Variants in COLEC11 observed in about 807,000 individuals in gnomAD.
The protein encoded by COLEC11 is collectin subfamily member 11.
Under a neutral mutation model 27.3 loss-of-function variants are expected in COLEC11, and 20 were observed. The observed-to-expected ratio is 0.73, with a 90% CI of 0.51 to 1.06. The LOEUF is 1.06. COLEC11 is among the 50% of genes least tolerant of loss of function. The pLI, the probability that COLEC11 is intolerant of heterozygous loss-of-function variation, is 0.00. For synonymous variants in COLEC11, 163 were observed against 154.7 expected (o/e 1.05, Z -0.40); for missense variants, 310 against 383.0 (o/e 0.81, Z 1.59).
chr2:3,613,691 G>A (rs778780389), intron 3 of COLEC11, among the ~76,000 whole-genome samples: 5 of 152,186 alleles, frequency 3.3e-5, no homozygotes, highest in Non-Finnish European at 5.9e-5. Context: ...ATTTGTGAGC[G>A]CTAAGTGAAT....
intron 3 of COLEC11, chr2:3,626,147 G>A: frequency 7.0e-7 from 1 of 1,418,850 alleles, no homozygotes; most frequent in South Asian, 1.1e-5. Flanking sequence ...GAGATGCAGA[G>A]AATAGGCAAC....
intron 3 of COLEC11, chr2:3,617,749 C>A: frequency 7.8e-7 from 1 of 1,283,184 alleles, no homozygotes; most frequent in Non-Finnish European, 1.1e-6. Flanking sequence ...CAGTGGCCAC[C>A]ACTGAGTTGT....
At chr2:3,643,571 T>C in intron 6 of COLEC11, 32 bp downstream of exon 6, 1 of 1,602,948 alleles carries the variant, frequency 6.2e-7, no homozygotes, top group Non-Finnish European at 8.5e-7. Context: ...CCTCGCTCCC[T>C]CCCACCTCCC....
At chr2:3,601,728 C>T (rs556275148) in intron 1 of COLEC11, among the ~76,000 whole-genome samples, 4 of 152,214 alleles carry the variant, frequency 2.6e-5, no homozygotes, top group Non-Finnish European at 4.4e-5. Flanking sequence ...AGCTCTCCCA[C>T]GCGCGTGCCC....
intron 1 of COLEC11, among the ~76,000 whole-genome samples, chr2:3,603,046 A>G (rs1662351622): frequency 6.6e-6 from 1 of 152,220 alleles, no homozygotes; most frequent in Admixed American, 6.5e-5. Context: ...TTTCTGAACG[A>G]ATGATTAACC....
In COLEC11 at chr2:3,595,122, C is replaced by A. The variant is rs1558479964; in HGVS notation, c.-73C>A. 1 of 369,180 alleles carries A rather than the reference C, an allele frequency of 2.7e-6. No individual in the cohort carries two copies. Among genetic ancestry groups the A allele is most frequent in the Non-Finnish European group, 5.5e-6 (1 of 181,444 alleles). 22.9% of individuals were successfully genotyped at this position (369,180 alleles called of 1,614,324 possible). On this transcript the variant is annotated 5_prime_UTR_variant, in exon 1 of 7. Transcript: ENST00000349077. ...GAGGCGCCTGGGGGCAGTGTCCTCGCGGGCCAGCGACGGGCAGGACGCCCC... is the reference window on the plus strand; with the variant it reads ...GAGGCGCCTGGGGGCAGTGTCCTCGAGGGCCAGCGACGGGCAGGACGCCCC...
At chr2:3,621,482 TTTTA>T (rs1255528584) in intron 3 of COLEC11, among the ~76,000 whole-genome samples, 1 of 152,200 alleles carries the variant, frequency 6.6e-6, no homozygotes, top group African/African-American at 2.4e-5. Context: ...ATTTATTTAT[TTTTA>T]TTAAGCTACT....
chr2:3,607,675 C>T (rs1409684409), intron 2 of COLEC11, among the ~76,000 whole-genome samples: 1 of 152,138 alleles, frequency 6.6e-6, no homozygotes, highest in African/African-American at 2.4e-5. Flanking sequence ...TCTCGAACTC[C>T]TGACCTCACG....
At chr2:3,600,002 G>A (rs1435832286) in intron 1 of COLEC11, among the ~76,000 whole-genome samples, 3 of 152,314 alleles carry the variant, frequency 2.0e-5, no homozygotes, top group Admixed American at 6.5e-5. Context: ...TTGGGAGGCC[G>A]AGGTGGGTGG....
At chr2:3,613,239 T>C in intron 2 of COLEC11, 72 bp from the exon 3 acceptor site, 1 of 1,502,982 alleles carries the variant, frequency 6.7e-7, no homozygotes, top group Non-Finnish European at 9.1e-7. Flanking sequence ...CTAACTGTTC[T>C]TCCTCCACAA....
chr2:3,615,684 GA>G (rs1267994229), intron 3 of COLEC11, among the ~76,000 whole-genome samples: 2 of 152,236 alleles, frequency 1.3e-5, no homozygotes, highest in African/African-American at 4.8e-5. Flanking sequence ...CGGCCGGGCA[GA>G]GGGGCTCCTC....
Position 3,597,686 on chromosome 2 carries a change from A to AC in COLEC11, c.-27+2518_-27+2519insC, listed in dbSNP as rs202209195. ...ATTCCTGAGACATTAAAAAAAAAAA[A>AC]AACTAAACCCAGTTTGCATCCAGCA... On this transcript the variant is annotated intron_variant, in intron 1 of 6. Coordinates refer to ENST00000349077, the MANE Select transcript of COLEC11 (RefSeq NM_024027.5). 3.8e-3 allele frequency among the ~76,000 whole-genome samples: 583 copies of AC among 152,142 alleles called. 5 individuals carry two copies. The highest frequency in any genetic ancestry group is 0.029 in the East Asian group (150 of 5,158).
Position 3,644,113 on chromosome 2 carries a change from A to G in COLEC11, c.811A>G (p.Met271Val). Reference protein sequence around the residue: ...YFMCEFDKENM With the variant: ...YFMCEFDKENV ...CATGTGTGAGTTTGACAAGGAGAACATGTGAGCCTCAGGCTGGGGCTGCCC... is the reference window on the plus strand; with the variant it reads ...CATGTGTGAGTTTGACAAGGAGAACGTGTGAGCCTCAGGCTGGGGCTGCCC... Residue 271 changes from methionine (M) to valine (V), a missense_variant, in exon 7 of 7, where the codon ATG (methionine) becomes GTG (valine). Coordinates refer to ENST00000349077, the MANE Select transcript of COLEC11 (RefSeq NM_024027.5). 1 of 1,610,716 alleles carries G rather than the reference A, an allele frequency of 6.2e-7. No homozygotes were observed. Among genetic ancestry groups the G allele is most frequent in the Non-Finnish European group, 8.5e-7 (1 of 1,180,032 alleles).
Position 3,644,195 on chromosome 2 carries a change from G to C in COLEC11, c.*77G>C, listed in dbSNP as rs750680074. ...GCAGGGACAGAGCCCAGACCATGGTGCCAGCCAGGGAGCTGTCCCTCTGTG... is the reference window on the plus strand; with the variant it reads ...GCAGGGACAGAGCCCAGACCATGGTCCCAGCCAGGGAGCTGTCCCTCTGTG... On this transcript the variant is annotated 3_prime_UTR_variant, in exon 7 of 7. Transcript: ENST00000349077. 8.3e-6 allele frequency: 13 copies of C among 1,571,354 alleles called. No individual in the cohort carries two copies. The highest frequency in any genetic ancestry group is 1.1e-5 in the Non-Finnish European group (13 of 1,156,324).
rs745805094 is a variant in COLEC11 at position 3,605,093 on chromosome 2, G to A, written c.130+623G>A. ...CCTCCAGAGCAGCATCTTCAAGTAA[G>A]AAAATGACCAGCTTCTACAAAGCAG... On this transcript the variant is annotated intron_variant, in intron 2 of 6. Coordinates refer to ENST00000349077, the MANE Select transcript of COLEC11 (RefSeq NM_024027.5). The A allele has an allele frequency of 5.1e-5, 24 of 470,904 alleles. 1 individual carries two copies. The highest frequency in any genetic ancestry group is 2.5e-4 in the South Asian group (16 of 64,568). The allele number at this position is 470,904 out of a possible 1,614,324, so 29.2% of individuals were successfully genotyped here.
intron 3 of COLEC11, among the ~76,000 whole-genome samples, chr2:3,613,610 C>T (rs1663413523): frequency 6.6e-6 from 1 of 152,172 alleles, no homozygotes; most frequent in Non-Finnish European, 1.5e-5. Context: ...GAAAGTGTGT[C>T]CTGGAACTCA....
At chr2:3,611,444 C>A (rs984924872) in intron 2 of COLEC11, among the ~76,000 whole-genome samples, 1 of 152,256 alleles carries the variant, frequency 6.6e-6, no homozygotes, top group Non-Finnish European at 1.5e-5. Flanking sequence ...GGCTGCTCCA[C>A]TGTTCCGTCT....
At chr2:3,626,937 A>G (rs1388992437) in intron 3 of COLEC11, among the ~76,000 whole-genome samples, 1 of 151,648 alleles carries the variant, frequency 6.6e-6, no homozygotes, top group African/African-American at 2.4e-5. Context: ...CACCCTCCAC[A>G]CCCTCCCTGG....
intron 3 of COLEC11, chr2:3,617,682 T>C: frequency 1.2e-6 from 2 of 1,611,628 alleles, no homozygotes; most frequent in Non-Finnish European, 1.7e-6. Context: ...TTGTCAGACA[T>C]GGTTGTGGAG....
Sources: gnomAD v4.1 joint callset for allele counts (sites outside exome capture counted in the v4.1 genomes callset) on GRCh38, gnomAD v4.1.1 for gene constraint, MANE v1.5 for transcripts, NCBI Gene and HGNC (gene_info 2026-07-23, HGNC 2026-07-21) for gene names.